The following DGLUCY variants were observed in gnomAD, a reference collection of about 807,000 sequenced individuals.
DGLUCY encodes D-glutamate cyclase.
A neutral mutation model predicts 58.5 loss-of-function variants in DGLUCY; 58 were observed. The ratio of observed to expected loss-of-function variants is 0.99; its 90% confidence interval spans 0.80 to 1.23. DGLUCY has a LOEUF of 1.23. Ranked by LOEUF, DGLUCY falls within the 50% of genes most tolerant of loss-of-function variation. DGLUCY has a pLI of 0.00. For missense variants in DGLUCY, 779 were observed against 784.7 expected (o/e 0.99, Z 0.09); for synonymous variants, 325 against 314.1 (o/e 1.03, Z -0.37).
At chr14:91,137,808 C>T (rs899681193) in intron 1 of DGLUCY, among the ~76,000 whole-genome samples, 1 of 151,968 alleles carries the variant, frequency 6.6e-6, no homozygotes, top group Non-Finnish European at 1.5e-5. Flanking sequence ...CTATCACCTG[C>T]CTTAGGGAAG....
At chr14:91,071,953 G>C (rs2140029728) in intron 1 of DGLUCY, among the ~76,000 whole-genome samples, 1 of 152,106 alleles carries the variant, frequency 6.6e-6, no homozygotes, top group East Asian at 1.9e-4. Context: ...GGGGAAGTGA[G>C]GGGAAAGGGC....
At chr14:91,126,910 A>G (rs2045720095) in intron 1 of DGLUCY, among the ~76,000 whole-genome samples, 1 of 151,942 alleles carries the variant, frequency 6.6e-6, no homozygotes, top group Non-Finnish European at 1.5e-5. Flanking sequence ...ACTGCACTCC[A>G]CCCCTTGACT....
chr14:91,116,464 CTG>C (rs1039406678), intron 1 of DGLUCY, among the ~76,000 whole-genome samples: 4 of 152,090 alleles, frequency 2.6e-5, no homozygotes, highest in Non-Finnish European at 5.9e-5. Flanking sequence ...GTCTTTTTGA[CTG>C]TGTGAAATTG....
Position 91,167,238 on chromosome 14 carries a change from C to T in DGLUCY, c.117C>T (p.Ala39=), listed in dbSNP as rs1466571904. Residue 39 remains alanine (A), a synonymous_variant, in exon 4 of 14, where the codon GCC becomes GCT. Transcript: ENST00000256324. ...TSSMAGELRP[A]SLVVLPRSLA... is the part of the protein sequence containing the mutation. Reference sequence around the variant, plus strand: ...CACCATACCCAGAGCTCCGACCAGCCAGCCTGGTGGTCCTGCCCAGGTCCC... The same window carrying T: ...CACCATACCCAGAGCTCCGACCAGCTAGCCTGGTGGTCCTGCCCAGGTCCC... 1 of 1,591,200 alleles carries T rather than the reference C, an allele frequency of 6.3e-7. No homozygotes were observed. Among genetic ancestry groups the T allele is most frequent in the Admixed American group, 1.9e-5 (1 of 51,874 alleles).
chr14:91,078,780 A>C (rs953024306), intron 1 of DGLUCY, among the ~76,000 whole-genome samples: 3 of 152,180 alleles, frequency 2.0e-5, no homozygotes, highest in African/African-American at 7.2e-5. Flanking sequence ...GAAATGGAGC[A>C]AAATGATCTT....
At position 91,170,063 on chromosome 14, in the gene DGLUCY, G is replaced by C. The variant is rs766348370; in HGVS notation, c.318G>C (p.Ser106=). The change falls in exon 5 of 14, where the codon TCG becomes TCC. Residue 106 remains serine, a synonymous_variant. Transcript: ENST00000256324. ...EFGACTGSLA[S]LEQYSEQLKD... is the part of the protein sequence containing the mutation. The stretch of plus-strand genomic sequence containing the variant: ...GTGCCTGCACCGGCAGCCTGGCTTC[G>C]CTGGAGCAGTACTCGGAGCAGCTGA... 3 of 1,612,336 alleles carry C rather than the reference G, an allele frequency of 1.9e-6. No homozygotes were observed. The highest frequency in any genetic ancestry group is 2.5e-6 in the Non-Finnish European group (3 of 1,180,042).
At position 91,170,199 on chromosome 14, in the gene DGLUCY, A is replaced by G. The variant is rs2048499923; in HGVS notation, c.454A>G (p.Lys152Glu). The G allele has an allele frequency of 1.2e-6, 2 of 1,613,356 alleles. No homozygotes were observed. Residue 152 changes from lysine to glutamate, a missense_variant and splice_region_variant, in exon 5 of 14, where the codon AAG becomes GAG. Coordinates refer to ENST00000256324, the MANE Select transcript of DGLUCY (RefSeq NM_001102368.3). ...AGGTCACAGCCAGGCGGGTGCATAC[A>G]AGGTAGGGACACAGCCCACAGCCCA... Reference protein sequence around the residue: ...PAGHSQAGAYKTTVPCVTHAG... With the variant: ...PAGHSQAGAYETTVPCVTHAG...
chr14:91,201,304 CTT>C (rs35767480), intron 11 of DGLUCY, among the ~76,000 whole-genome samples: 2 of 147,022 alleles, frequency 1.4e-5, no homozygotes, highest in East Asian at 2.0e-4. Flanking sequence ...TGACAGGTAA[CTT>C]TTTTTTTTTT....
At chr14:91,191,980 C>T (rs1449929945) in intron 9 of DGLUCY, among the ~76,000 whole-genome samples, 1 of 152,142 alleles carries the variant, frequency 6.6e-6, no homozygotes, top group African/African-American at 2.4e-5. Flanking sequence ...CAATTAAAAA[C>T]AGCAAATACC....
intron 9 of DGLUCY, 76 bp downstream of exon 9, chr14:91,189,246 C>T (rs2049718210): frequency 6.5e-7 from 1 of 1,547,888 alleles, no homozygotes; most frequent in Non-Finnish European, 8.8e-7. Context: ...TCAGCATCTG[C>T]AGTACAGAGC....
At chr14:91,113,215 G>A (rs1280524690), upstream of DGLUCY, among the ~76,000 whole-genome samples, 1 of 152,116 alleles carries the variant, frequency 6.6e-6, no homozygotes, top group South Asian at 2.1e-4. Flanking sequence ...CAGAAGAATC[G>A]CTCGAACCTG....
At position 91,082,301 on chromosome 14, in the gene DGLUCY, C is replaced by T. The variant is rs373362749; in HGVS notation, c.-82+21597C>T. 1.6e-4 allele frequency among the ~76,000 whole-genome samples: 25 copies of T among 152,192 alleles called. 2 individuals are homozygous for T. Among genetic ancestry groups the T allele is most frequent in the Admixed American group, 1.2e-3 (19 of 15,278 alleles). On this transcript the variant is annotated intron_variant, in intron 1 of 4. Coordinates refer to the DGLUCY transcript ENST00000521334. The stretch of plus-strand genomic sequence containing the variant: ...CCCTTCCCATGAAAGAGGTACCTGA[C>T]CCAAGTGTAGCCAGTATGATGTTCT...
intron 4 of DGLUCY, 81 bp from the exon 5 acceptor site, chr14:91,169,922 C>G (rs2140395764): frequency 7.0e-7 from 1 of 1,426,934 alleles, no homozygotes; most frequent in Non-Finnish European, 9.7e-7. Context: ...CCTCTTCTCT[C>G]TCCGCAGTCC....
At position 91,074,093 on chromosome 14, in the gene DGLUCY, C is replaced by CAA. The variant is rs1183223393; in HGVS notation, c.-82+13400_-82+13401dup. ...CAACATAATGAGACCTCATCTCTAC[C>CAA]AAAAAAAAAAAATATATATATATAT... On this transcript the variant is annotated intron_variant, in intron 1 of 4. Coordinates refer to the DGLUCY transcript ENST00000521334. Among the ~76,000 whole-genome samples, 689 of 99,214 alleles carry CAA rather than the reference C, an allele frequency of 6.9e-3. 4 individuals carry two copies. Among genetic ancestry groups the CAA allele is most frequent in the Middle Eastern group, 0.027 (5 of 186 alleles). The allele number at this position is 99,214 out of a possible 152,430, so 65.1% of individuals were successfully genotyped here. A position where few individuals can be genotyped will look rare whatever the true frequency, so the allele number is the denominator to read the frequency against.
At chr14:91,165,600 C>T (rs2140370965) in intron 3 of DGLUCY, among the ~76,000 whole-genome samples, 1 of 152,260 alleles carries the variant, frequency 6.6e-6, no homozygotes, top group Middle Eastern at 3.4e-3. Flanking sequence ...AAAAAGATAC[C>T]CAAATGGCCA....
intron 1 of DGLUCY, among the ~76,000 whole-genome samples, chr14:91,146,693 A>G (rs1223523564): frequency 1.3e-5 from 2 of 152,194 alleles, no homozygotes; most frequent in Non-Finnish European, 2.9e-5. Flanking sequence ...GTCACAAACA[A>G]CAAAAACATG....
chr14:91,222,202 G>A (rs956591060), intron 13 of DGLUCY, among the ~76,000 whole-genome samples: 10 of 152,316 alleles, frequency 6.6e-5, no homozygotes, highest in East Asian at 5.8e-4. Context: ...TGGTCATTCC[G>A]TGATTCTTGG....
At chr14:91,180,390 G>A (rs188277410) in intron 7 of DGLUCY, among the ~76,000 whole-genome samples, 228 of 151,460 alleles carry the variant, frequency 1.5e-3, no homozygotes, top group African/African-American at 5.3e-3. Context: ...TGGATAACAT[G>A]GTAAAACACT....
At chr14:91,064,906 C>T (rs1469527188) in intron 1 of DGLUCY, among the ~76,000 whole-genome samples, 1 of 152,164 alleles carries the variant, frequency 6.6e-6, no homozygotes, top group South Asian at 2.1e-4. Context: ...ACATATTTTT[C>T]TCCAAAGGAA....
Sources: allele counts gnomAD v4.1 joint callset (sites outside exome capture counted in the v4.1 genomes callset), GRCh38; gene constraint gnomAD v4.1.1; transcripts MANE v1.5; gene names NCBI Gene and HGNC (gene_info 2026-07-23, HGNC 2026-07-21).